Variants in PRAMEF20 observed in about 807,000 individuals in gnomAD.
PRAMEF20 encodes PRAME family member 20, also known as PRAME family member 20/21.
Under a neutral mutation model 32.4 loss-of-function variants are expected in PRAMEF20, and 27 were observed. That is an observed-to-expected ratio of 0.83 (90% CI 0.61 to 1.15). The LOEUF (loss-of-function observed/expected upper bound fraction) is 1.15. Ranked by LOEUF, PRAMEF20 falls within the 50% of genes most tolerant of loss-of-function variation. The pLI is 0.00. For missense variants in PRAMEF20, 604 were observed against 584.5 expected, an observed-to-expected ratio of 1.03 and a Z score of -0.34; for synonymous variants, 256 against 235.4, an observed-to-expected ratio of 1.09 and a Z score of -0.80.
exon 2 of PRAMEF20, chr1:13,418,172 G>C (rs1641203022): frequency 1.2e-6 from 2 of 1,613,418 alleles, no homozygotes; most frequent in African/African-American, 2.7e-5. Context: ...GAGAACTTCT[G>C]GATGGTTTGG....
chr1:13,417,790 A>G (rs1338585462), intron 1 of PRAMEF20, among the ~76,000 whole-genome samples: 1,468 of 140,558 alleles, frequency 0.01, 29 homozygotes, highest in African/African-American at 0.034. Flanking sequence ...GGCTGGGGCT[A>G]GAGTGCAGTG....
At chr1:13,418,353 G>C (rs1641205612) in exon 2 of PRAMEF20, 3 of 1,613,806 alleles carry the variant, frequency 1.9e-6, no homozygotes, top group Non-Finnish European at 2.5e-6. Context: ...GGGTCAAGCA[G>C]AGGGAAGGTT....
upstream of PRAMEF20, among the ~76,000 whole-genome samples, chr1:13,415,863 GAGAA>G (rs1438021477): frequency 2.0e-5 from 3 of 151,906 alleles, no homozygotes; most frequent in Non-Finnish European, 4.4e-5. Flanking sequence ...GAGAGAGAAA[GAGAA>G]AGAAAGTAAG....
At chr1:13,418,736 A>G (rs1641211613) in intron 2 of PRAMEF20, 36 bp downstream of exon 3, 9 of 1,611,780 alleles carry the variant, frequency 5.6e-6, no homozygotes, top group Non-Finnish European at 5.1e-6. Flanking sequence ...TGCAGACCAC[A>G]GCAGAGCCTT....
chr1:13,416,388 C>T (rs1373435414), exon 1 of PRAMEF20: 2 of 1,613,458 alleles, frequency 1.2e-6, no homozygotes, highest in East Asian at 4.5e-5. Context: ...ACTCCTGGAG[C>T]TGGCGGGGCG....
At chr1:13,413,822 C>T (rs964751941), upstream of PRAMEF20, among the ~76,000 whole-genome samples, 1 of 152,104 alleles carries the variant, frequency 6.6e-6, no homozygotes, top group African/African-American at 2.4e-5. Flanking sequence ...AAGTCTCCAC[C>T]TCCATAAAGA....
At chr1:13,417,596 C>T (rs1569866801) in intron 1 of PRAMEF20, among the ~76,000 whole-genome samples, 1 of 149,912 alleles carries the variant, frequency 6.7e-6, no homozygotes, top group Admixed American at 6.6e-5. Context: ...GAGGGAGACT[C>T]TGTCTCAAAA....
upstream of PRAMEF20, among the ~76,000 whole-genome samples, chr1:13,415,664 C>T (rs1431110333): frequency 2.0e-5 from 3 of 151,930 alleles, no homozygotes; most frequent in East Asian, 2.0e-4. Flanking sequence ...GTGATGCATG[C>T]CTGTGGTCCC....
the PRAMEF20 span, among the ~76,000 whole-genome samples, chr1:13,411,064 G>C: frequency 6.6e-6 from 1 of 152,044 alleles, no homozygotes; most frequent in Non-Finnish European, 1.5e-5. Flanking sequence ...CACTATGTTG[G>C]CCAGGCTGGT....
At chr1:13,411,840 C>T (rs963789649), upstream of PRAMEF20, among the ~76,000 whole-genome samples, 1 of 152,088 alleles carries the variant, frequency 6.6e-6, no homozygotes. Flanking sequence ...CATTGTTCCA[C>T]CAGTGACCAA....
chr1:13,421,089 A>G, exon 3 of PRAMEF20: 3 of 1,613,800 alleles, frequency 1.9e-6, no homozygotes, highest in Middle Eastern at 1.7e-4. Context: ...GAGAGTTATG[A>G]TGTTCGTGGT....
upstream of PRAMEF20, among the ~76,000 whole-genome samples, chr1:13,414,310 T>C (rs1053354670): frequency 3.3e-5 from 5 of 151,334 alleles, no homozygotes; most frequent in Non-Finnish European, 7.4e-5. Context: ...CCACCTGCCT[T>C]GGCCTCCCAA....
upstream of PRAMEF20, among the ~76,000 whole-genome samples, chr1:13,416,125 G>T (rs1349015121): frequency 6.6e-6 from 1 of 152,230 alleles, no homozygotes; most frequent in Non-Finnish European, 1.5e-5. Context: ...GGCTAGTGGT[G>T]GCCCTGCCTC....
intron 2 of PRAMEF20, among the ~76,000 whole-genome samples, chr1:13,420,469 A>G (rs1641230311): frequency 6.6e-6 from 1 of 152,120 alleles, no homozygotes; most frequent in Non-Finnish European, 1.5e-5. Context: ...TCAGCTTCCC[A>G]AAGTTCTGGG....
intron 2 of PRAMEF20, 116 bp from the exon 4 acceptor site, chr1:13,420,581 G>C: frequency 7.2e-7 from 1 of 1,397,662 alleles, no homozygotes; most frequent in Non-Finnish European, 1.0e-6. Flanking sequence ...CAGACAATCA[G>C]AATGACCCTG....
chr1:13,415,288 G>T (rs1641157839), upstream of PRAMEF20, among the ~76,000 whole-genome samples: 1 of 151,936 alleles, frequency 6.6e-6, no homozygotes, highest in African/African-American at 2.4e-5. Context: ...CACCATGTTG[G>T]CCAGGCTGGT....
At chr1:13,413,187 C>T (rs977391753), upstream of PRAMEF20, among the ~76,000 whole-genome samples, 3 of 152,104 alleles carry the variant, frequency 2.0e-5, no homozygotes, top group Non-Finnish European at 4.4e-5. Flanking sequence ...AGTAAAATTC[C>T]ATGTTTGTGG....
upstream of PRAMEF20, among the ~76,000 whole-genome samples, chr1:13,414,701 G>A (rs1641147144): frequency 6.6e-6 from 1 of 151,766 alleles, no homozygotes; most frequent in Non-Finnish European, 1.5e-5. Flanking sequence ...CTGACCTCAG[G>A]TGATACACCC....
At chr1:13,417,183 G>A (rs1261211937) in intron 1 of PRAMEF20, among the ~76,000 whole-genome samples, 4 of 152,162 alleles carry the variant, frequency 2.6e-5, no homozygotes, top group East Asian at 3.9e-4. Flanking sequence ...GTAGGTTGCC[G>A]CTGCTGACTG....
Sources: allele counts gnomAD v4.1 joint callset (sites outside exome capture counted in the v4.1 genomes callset), GRCh38; gene constraint gnomAD v4.1.1; transcripts MANE v1.5; gene names NCBI Gene and HGNC (gene_info 2026-07-23, HGNC 2026-07-21).